TENM3: variants seen among roughly 807,000 people sequenced by gnomAD.
The protein encoded by TENM3 is teneurin transmembrane protein 3.
In TENM3, 63 loss-of-function variants were observed where a neutral mutation model predicts 255.1. The ratio of observed to expected loss-of-function variants is 0.25; its 90% CI spans 0.20 to 0.30. The LOEUF (loss-of-function observed/expected upper bound fraction) is 0.30. Among genes scored for constraint, TENM3 ranks in the 10% least tolerant of loss-of-function variants. The pLI, the probability that TENM3 is intolerant of heterozygous loss-of-function variation, is 1.00. For missense variants in TENM3, 2,929 were observed against 3,461.1 expected (o/e 0.85, Z 3.86); for synonymous variants, 1,306 against 1,322.3 (o/e 0.99, Z 0.27).
At chr4:182,508,511 A>C (rs924649979) in intron 3 of TENM3, among the ~76,000 whole-genome samples, 1 of 152,218 alleles carries the variant, frequency 6.6e-6, no homozygotes, top group African/African-American at 2.4e-5. Flanking sequence ...GAAATCCATG[A>C]AATATTTATC....
intron 4 of TENM3, among the ~76,000 whole-genome samples, chr4:182,622,830 C>T (rs11725691): frequency 0.72 from 109,922 of 151,982 alleles, 40,470 homozygotes; most frequent in East Asian, 1. Context: ...ACTTTTTAAG[C>T]CCTGTTAATA....
At chr4:181,561,925 T>C in the TENM3 span, among the ~76,000 whole-genome samples, 1 of 152,214 alleles carries the variant, frequency 6.6e-6, no homozygotes, top group Admixed American at 6.5e-5. Context: ...TGGGAGAATA[T>C]ACACATTCCC....
rs538195905 is a variant in TENM3 at position 182,774,949 on chromosome 4, T to C, written c.5100T>C (p.Tyr1700=). The C allele has an allele frequency of 1.9e-4, 314 of 1,613,700 alleles. 1 individual carries two copies. In the South Asian group the frequency reaches 3.2e-3, roughly 16 times the overall value. ...TAAGAAACAGCTACCAGATTGGTTA[T>C]GACGGCTCCCTCAGAATTATCTACG... is the stretch of plus-strand genomic sequence containing the variant. ...DQLRNSYQIG[Y]DGSLRIIYAS... is the part of the protein sequence containing the mutation. The change falls in exon 24 of 28, where the codon TAT becomes TAC. Residue 1700 remains tyrosine, a synonymous_variant. Transcript: ENST00000511685.
the TENM3 span, among the ~76,000 whole-genome samples, chr4:181,721,329 C>T: frequency 6.6e-6 from 1 of 151,554 alleles, no homozygotes; most frequent in Non-Finnish European, 1.5e-5. Flanking sequence ...TTTAAGTAGG[C>T]CCCTACCTCC....
intron 5 of TENM3, 135 bp from the exon 6 acceptor site, chr4:182,653,636 T>A: frequency 1.1e-6 from 1 of 936,808 alleles, no homozygotes; most frequent in Non-Finnish European, 1.5e-6. Context: ...TAATTTTCAT[T>A]GCGCAGTTAT....
the TENM3 span, among the ~76,000 whole-genome samples, chr4:181,711,183 C>G: frequency 6.6e-6 from 1 of 152,102 alleles, no homozygotes; most frequent in Non-Finnish European, 1.5e-5. Flanking sequence ...CTAAGCTATC[C>G]AACAAGCCAC....
chr4:182,338,359 C>T (rs1345731283), intron 2 of TENM3, among the ~76,000 whole-genome samples: 2 of 152,086 alleles, frequency 1.3e-5, no homozygotes, highest in African/African-American at 4.8e-5. Context: ...TACAACATAT[C>T]CAGGACTGCA....
the TENM3 span, among the ~76,000 whole-genome samples, chr4:181,765,897 A>G: frequency 1.3e-5 from 2 of 152,232 alleles, no homozygotes; most frequent in South Asian, 2.1e-4. Flanking sequence ...TTTACCATAC[A>G]TATCTGCATT....
At chr4:182,067,363 C>T in the TENM3 span, among the ~76,000 whole-genome samples, 1 of 152,098 alleles carries the variant, frequency 6.6e-6, no homozygotes, top group African/African-American at 2.4e-5. Flanking sequence ...TATTCATGGC[C>T]GTAAACGAGT....
chr4:182,107,258 T>G, the TENM3 span, among the ~76,000 whole-genome samples: 1 of 151,934 alleles, frequency 6.6e-6, no homozygotes, highest in African/African-American at 2.4e-5. Context: ...GATGAGCTGA[T>G]CCCTCAAGGC....
chr4:182,420,531 G>A lies in TENM3; in HGVS notation c.511+73602G>A, dbSNP rs112597176. Among the ~76,000 whole-genome samples, 462 of 152,284 alleles carry A rather than the reference G, an allele frequency of 3.0e-3. 2 individuals carry two copies. The highest frequency in any genetic ancestry group is 0.011 in the African/African-American group (444 of 41,562). On this transcript the variant is annotated intron_variant, in intron 3 of 27. Coordinates refer to ENST00000511685, the MANE Select transcript of TENM3 (RefSeq NM_001080477.4). ...ACAAGTTTTGTCAGGAAGTTTCTAG[G>A]CCTTTATCAGACTAAAAATAGAACA...
chr4:181,916,566 G>A, the TENM3 span, among the ~76,000 whole-genome samples: 1 of 152,048 alleles, frequency 6.6e-6, no homozygotes, highest in African/African-American at 2.4e-5. Flanking sequence ...ATGGAGAAGT[G>A]TGTTTGAGAT....
the TENM3 span, among the ~76,000 whole-genome samples, chr4:182,084,676 GCTGA>G: frequency 4.6e-5 from 7 of 152,116 alleles, no homozygotes; most frequent in Non-Finnish European, 1.5e-5. Flanking sequence ...ATAAGTAGAT[GCTGA>G]CTATCATTAA....
the TENM3 span, among the ~76,000 whole-genome samples, chr4:181,940,163 C>T: frequency 1.3e-5 from 2 of 152,148 alleles, no homozygotes; most frequent in Non-Finnish European, 2.9e-5. Flanking sequence ...TCTCTGCATA[C>T]ACAAAGTGTC....
At chr4:181,834,126 AAG>A in the TENM3 span, among the ~76,000 whole-genome samples, 1 of 152,076 alleles carries the variant, frequency 6.6e-6, no homozygotes, top group African/African-American at 2.4e-5. Flanking sequence ...AAAAAAAAAA[AAG>A]AAATGAAGAA....
At chr4:182,307,871 C>G (rs1432681222) in intron 1 of TENM3, among the ~76,000 whole-genome samples, 2 of 152,188 alleles carry the variant, frequency 1.3e-5, no homozygotes, top group Admixed American at 1.3e-4. Context: ...TGGCAAAAGT[C>G]CAGCTTCTCC....
At chr4:181,636,663 G>A in the TENM3 span, among the ~76,000 whole-genome samples, 1 of 152,188 alleles carries the variant, frequency 6.6e-6, no homozygotes, top group East Asian at 1.9e-4. Flanking sequence ...CACCTCTGCT[G>A]CAGCGCCTCA....
At chr4:182,705,122 C>G (rs1419721982) in intron 12 of TENM3, among the ~76,000 whole-genome samples, 7 of 152,130 alleles carry the variant, frequency 4.6e-5, no homozygotes, top group Admixed American at 4.6e-4. Flanking sequence ...ACCTTGCACG[C>G]TGATTTAAAC....
At chr4:182,223,135 A>G (rs1387741360) in intron 1 of TENM3, among the ~76,000 whole-genome samples, 6 of 152,230 alleles carry the variant, frequency 3.9e-5, no homozygotes, top group African/African-American at 1.4e-4. Context: ...TGGTAGGGGA[A>G]AATGAGGTGG....
Sources: gnomAD v4.1 joint callset for allele counts (sites outside exome capture counted in the v4.1 genomes callset) on GRCh38, gnomAD v4.1.1 for gene constraint, MANE v1.5 for transcripts, NCBI Gene and HGNC (gene_info 2026-07-23, HGNC 2026-07-21) for gene names.